Variants in GRAMD2B observed in about 807,000 individuals in gnomAD.
GRAMD2B encodes the protein GRAM domain containing 2B.
In GRAMD2B, 41 loss-of-function variants were observed where a neutral mutation model predicts 59.2. That is an observed-to-expected ratio of 0.69 (90% confidence interval 0.54 to 0.90). GRAMD2B has a LOEUF of 0.90. GRAMD2B is among the 40% of genes least tolerant of loss of function. The pLI, the probability that GRAMD2B is intolerant of heterozygous loss-of-function variation, is 0.00. For synonymous variants in GRAMD2B, 161 were observed against 182.7 expected, an observed-to-expected ratio of 0.88 and a Z score of 0.96; for missense variants, 424 against 500.5, an observed-to-expected ratio of 0.85 and a Z score of 1.46.
intron 1 of GRAMD2B, among the ~76,000 whole-genome samples, chr5:126,406,998 A>T (rs1032351550): frequency 6.6e-6 from 1 of 152,056 alleles, no homozygotes; most frequent in African/African-American, 2.4e-5. Context: ...TGCATAAAGA[A>T]ATGCTTCTGA....
chr5:126,382,799 G>A (rs546954618), intron 1 of GRAMD2B, among the ~76,000 whole-genome samples: 1 of 152,212 alleles, frequency 6.6e-6, no homozygotes, highest in Non-Finnish European at 1.5e-5. Context: ...TGTTTTTCTG[G>A]TTCCTTCTCA....
chr5:126,480,484 A>T lies in GRAMD2B; in HGVS notation c.611A>T (p.Asp204Val). 6.2e-7 allele frequency: 1 copy of T among 1,613,168 alleles called. No individual in the cohort carries two copies. Among genetic ancestry groups the T allele is most frequent in the South Asian group, 1.1e-5 (1 of 91,038 alleles). ...RYIFVSLLSR[D>V]STYKLLKSVC... ...ATATTTGTCTCCTTACTCTCCAGAG[A>T]TTCAACTTACAAACTACTAAAATCT... The change falls in exon 7 of 14, where the codon GAT becomes GTT. Residue 204 changes from aspartate (D) to valine (V), a missense_variant. Coordinates refer to ENST00000285689, the MANE Select transcript of GRAMD2B (RefSeq NM_023927.4).
intron 1 of GRAMD2B, among the ~76,000 whole-genome samples, chr5:126,401,746 A>G (rs931741317): frequency 1.3e-5 from 2 of 152,102 alleles, no homozygotes; most frequent in African/African-American, 4.8e-5. Flanking sequence ...TAGCACTTAG[A>G]AAAGTTTACT....
At chr5:126,459,470 C>T (rs987996316) in intron 1 of GRAMD2B, among the ~76,000 whole-genome samples, 3 of 152,224 alleles carry the variant, frequency 2.0e-5, no homozygotes, top group African/African-American at 7.2e-5. Context: ...TAGGATGTTA[C>T]TAAGAATCTG....
At chr5:126,421,946 G>A (rs1561497235), upstream of GRAMD2B, among the ~76,000 whole-genome samples, 2 of 152,058 alleles carry the variant, frequency 1.3e-5, no homozygotes, top group South Asian at 4.1e-4. Flanking sequence ...TTTTTCCCAG[G>A]CATGTCATGC....
intron 13 of GRAMD2B, among the ~76,000 whole-genome samples, chr5:126,489,334 T>G (rs947619685): frequency 2.0e-5 from 3 of 152,218 alleles, no homozygotes; most frequent in Admixed American, 6.5e-5. Flanking sequence ...CCATGGAAGA[T>G]AGACGTCATT....
chr5:126,433,814 T>C (rs999794536), intron 1 of GRAMD2B: 2 of 152,260 alleles, frequency 1.3e-5, no homozygotes, highest in Non-Finnish European at 2.9e-5. Context: ...CATGTGAATG[T>C]TGTGTCTTTA....
At chr5:126,445,506 G>A (rs1764046200) in intron 1 of GRAMD2B, 1 of 152,202 alleles carries the variant, frequency 6.6e-6, no homozygotes, top group African/African-American at 2.4e-5. Flanking sequence ...AGCACAGCCT[G>A]AGGACTTGCT....
intron 2 of GRAMD2B, among the ~76,000 whole-genome samples, chr5:126,468,468 C>T (rs754990694): frequency 9.2e-5 from 14 of 152,004 alleles, no homozygotes; most frequent in Non-Finnish European, 1.3e-4. Flanking sequence ...TTTTCCTCTT[C>T]TATTTATTTA....
chr5:126,483,141 T>G (rs1456460477), intron 8 of GRAMD2B, among the ~76,000 whole-genome samples: 1 of 152,238 alleles, frequency 6.6e-6, no homozygotes, highest in Non-Finnish European at 1.5e-5. Context: ...TAATCAGGTT[T>G]TCTCATTACG....
At chr5:126,405,688 C>CT (rs750300790) in intron 1 of GRAMD2B, among the ~76,000 whole-genome samples, 1,584 of 144,932 alleles carry the variant, frequency 0.011, 39 homozygotes, top group African/African-American at 0.037. Flanking sequence ...TGAGGATATC[C>CT]TTTTTTTTTT....
At chr5:126,455,277 C>T (rs1766075371) in intron 1 of GRAMD2B, among the ~76,000 whole-genome samples, 1 of 152,188 alleles carries the variant, frequency 6.6e-6, no homozygotes, top group Non-Finnish European at 1.5e-5. Context: ...AAAAGGTGGG[C>T]ATTTAATATC....
intron 1 of GRAMD2B, among the ~76,000 whole-genome samples, chr5:126,434,387 A>G (rs111641988): frequency 0.02 from 2,971 of 152,270 alleles, 34 homozygotes; most frequent in Middle Eastern, 0.048. Context: ...ACTCTATTGT[A>G]CATTATGGTA....
At chr5:126,413,349 T>C (rs1334918798) in intron 1 of GRAMD2B, among the ~76,000 whole-genome samples, 1 of 152,194 alleles carries the variant, frequency 6.6e-6, no homozygotes, top group African/African-American at 2.4e-5. Context: ...TCTGCCTTAA[T>C]TTTGTTGTTT....
At chr5:126,487,792 T>C (rs1185762581) in intron 12 of GRAMD2B, among the ~76,000 whole-genome samples, 2 of 152,240 alleles carry the variant, frequency 1.3e-5, no homozygotes, top group African/African-American at 4.8e-5. Context: ...ATAATTAGTT[T>C]AATGTCTTAC....
intron 5 of GRAMD2B, among the ~76,000 whole-genome samples, chr5:126,474,921 A>T (rs1195019066): frequency 7.2e-5 from 11 of 152,228 alleles, no homozygotes; most frequent in Non-Finnish European, 1.5e-4. Flanking sequence ...AGTGACTTGT[A>T]TGTTCCATCC....
chr5:126,393,227 T>G (rs1198551032), intron 1 of GRAMD2B, among the ~76,000 whole-genome samples: 2 of 152,200 alleles, frequency 1.3e-5, no homozygotes, highest in Admixed American at 1.3e-4. Context: ...ATAAACTGAC[T>G]AATTTCAAAA....
rs187990437 is a variant in GRAMD2B at position 126,378,366 on chromosome 5, G to A, written c.125+6799G>A. Among the ~76,000 whole-genome samples, 183 of 152,214 alleles carry A rather than the reference G, an allele frequency of 1.2e-3. 5 individuals are homozygous for A. The East Asian group carries it at 0.032, about 26-fold the overall frequency. On this transcript the variant is annotated intron_variant, in intron 1 of 8. Coordinates refer to the GRAMD2B transcript ENST00000506445. ...TATGTCAGACAGTTAGTTCATAAGAGCACTATATTACTTTTCTGGATTTGG... is the reference window on the plus strand; with the variant it reads ...TATGTCAGACAGTTAGTTCATAAGAACACTATATTACTTTTCTGGATTTGG...
At chr5:126,403,248 C>A (rs1561483256) in intron 1 of GRAMD2B, among the ~76,000 whole-genome samples, 1 of 152,004 alleles carries the variant, frequency 6.6e-6, no homozygotes, top group Non-Finnish European at 1.5e-5. Flanking sequence ...GATTCCCAAG[C>A]TAACCCAGAA....
Sources: allele counts gnomAD v4.1 joint callset (sites outside exome capture counted in the v4.1 genomes callset), GRCh38; gene constraint gnomAD v4.1.1; transcripts MANE v1.5; gene names NCBI Gene and HGNC (gene_info 2026-07-23, HGNC 2026-07-21).